Variants in ENOX2 observed in about 807,000 individuals in gnomAD.
The protein encoded by ENOX2 is ecto-NOX disulfide-thiol exchanger 2.
In ENOX2, 36 loss-of-function variants were observed where a neutral mutation model predicts 45.0. The ratio of observed to expected loss-of-function variants is 0.80; its 90% confidence interval spans 0.61 to 1.06. The LOEUF is 1.06. ENOX2 is among the 50% of genes least tolerant of loss of function. The probability of loss-of-function intolerance (pLI) is 0.00; values close to 1 mark genes in which losing one functional copy is unlikely to be tolerated. For missense variants in ENOX2, 423 were observed against 462.5 expected (o/e 0.91, Z 0.78); for synonymous variants, 174 against 152.3 (o/e 1.14, Z -1.05).
At chrX:130,736,236 C>T (rs1355943349) in intron 3 of ENOX2, among the ~76,000 whole-genome samples, 1 of 109,581 alleles carries the variant, frequency 9.1e-6, no homozygotes, top group Non-Finnish European at 1.9e-5. Flanking sequence ...TGGTGACGGG[C>T]GCCTGTAATC....
intron 2 of ENOX2, among the ~76,000 whole-genome samples, chrX:130,812,281 G>C (rs1436206636): frequency 8.9e-6 from 1 of 111,845 alleles, no homozygotes; most frequent in Non-Finnish European, 1.9e-5. Flanking sequence ...CTGTCAAAAA[G>C]CCAAGACAAA....
chrX:130,726,935 G>A (rs765750253), intron 3 of ENOX2, among the ~76,000 whole-genome samples: 43 of 112,437 alleles, frequency 3.8e-4, no homozygotes, highest in African/African-American at 1.3e-3. Context: ...GGCCTGGCTC[G>A]TGGTCTAGGT....
At position 130,638,431 on chromosome X, in the gene ENOX2, AACACACAC is replaced by A. The variant is rs34648095; in HGVS notation, c.1130-1029_1130-1022del. Among the ~76,000 whole-genome samples, 734 of 92,751 alleles carry A rather than the reference AACACACAC, an allele frequency of 7.9e-3. 1 individual carries two copies. Among genetic ancestry groups the A allele is most frequent in the African/African-American group, 0.026 (646 of 25,268 alleles). 80.5% of individuals were successfully genotyped at this position (92,751 alleles called of 115,157 possible). On this transcript the variant is annotated intron_variant, in intron 10 of 14. Coordinates refer to ENST00000394363, the MANE Select transcript of ENOX2 (RefSeq NM_006375.4). ...AAATAACTGTTAAACAACAATTTGA[AACACACAC>A]ACACACACACACACACACACACACA...
chrX:130,673,368 T>A (rs1295305937), intron 6 of ENOX2, among the ~76,000 whole-genome samples: 1 of 109,544 alleles, frequency 9.1e-6, no homozygotes, highest in Non-Finnish European at 1.9e-5. Flanking sequence ...CGACAAAGAA[T>A]TCAAAATATG....
At chrX:130,831,784 G>T (rs2077835378) in intron 2 of ENOX2, among the ~76,000 whole-genome samples, 1 of 111,391 alleles carries the variant, frequency 9.0e-6, no homozygotes, top group Non-Finnish European at 1.9e-5. Flanking sequence ...AAAGCTCAAT[G>T]AGGGCAGCGA....
intron 3 of ENOX2, among the ~76,000 whole-genome samples, chrX:130,765,154 T>G (rs935300397): frequency 9.0e-6 from 1 of 111,475 alleles, no homozygotes; most frequent in East Asian, 2.8e-4. Flanking sequence ...GGACCAGTCA[T>G]GACACTTGGT....
At chrX:130,752,497 GTCTC>G (rs1336618655) in intron 3 of ENOX2, among the ~76,000 whole-genome samples, 27 of 109,484 alleles carry the variant, frequency 2.5e-4, no homozygotes, top group African/African-American at 7.7e-4. Flanking sequence ...CTCCCTTTCT[GTCTC>G]TCTAAGTGTC....
intron 2 of ENOX2, among the ~76,000 whole-genome samples, chrX:130,882,563 C>G (rs2078835677): frequency 9.0e-6 from 1 of 111,126 alleles, no homozygotes; most frequent in Admixed American, 9.6e-5. Context: ...AGAGAAGCAA[C>G]AGATTATGAA....
intron 10 of ENOX2, among the ~76,000 whole-genome samples, chrX:130,638,431 A>AACACACACACAC (rs34648095): frequency 1.3e-4 from 12 of 92,780 alleles, no homozygotes; most frequent in African/African-American, 4.7e-4. Flanking sequence ...AACAATTTGA[A>AACACACACACAC]ACACACACAC....
chrX:130,880,465 C>T, intron 2 of ENOX2, among the ~76,000 whole-genome samples: 1 of 111,819 alleles, frequency 8.9e-6, no homozygotes, highest in East Asian at 2.8e-4. Context: ...ACATTTATAT[C>T]TCTTTATGTA....
At chrX:130,837,797 A>C (rs1402888663) in intron 2 of ENOX2, among the ~76,000 whole-genome samples, 2 of 111,883 alleles carry the variant, frequency 1.8e-5, no homozygotes, top group Admixed American at 1.9e-4. Flanking sequence ...AGTTAACACA[A>C]ATCAAGTACT....
chrX:130,855,593 T>G (rs967276987), intron 2 of ENOX2, among the ~76,000 whole-genome samples: 4 of 111,518 alleles, frequency 3.6e-5, no homozygotes, highest in African/African-American at 1.3e-4. Flanking sequence ...TATTCTAAAA[T>G]GTATATGCTA....
At chrX:130,626,540 A>G (rs1419832724) in intron 14 of ENOX2, among the ~76,000 whole-genome samples, 4 of 112,134 alleles carry the variant, frequency 3.6e-5, no homozygotes, top group Non-Finnish European at 7.5e-5. Context: ...ATTTTTGTAA[A>G]TTAAAAAATA....
chrX:130,834,800 T>C (rs148682201), intron 2 of ENOX2, among the ~76,000 whole-genome samples: 5,647 of 111,384 alleles, frequency 0.051, 374 homozygotes, highest in African/African-American at 0.17. Context: ...TAAAATGTTA[T>C]AAGAAATTTC....
intron 4 of ENOX2, among the ~76,000 whole-genome samples, chrX:130,692,820 C>T (rs1381302162): frequency 9.2e-6 from 1 of 108,523 alleles, no homozygotes; most frequent in East Asian, 2.9e-4. Context: ...AAACTTCTGA[C>T]CTCAAGTGAT....
intron 1 of ENOX2, among the ~76,000 whole-genome samples, 153 bp downstream of exon 1, chrX:130,902,896 C>G (rs1411028610): frequency 9.2e-6 from 1 of 108,505 alleles, no homozygotes; most frequent in Non-Finnish European, 1.9e-5. Flanking sequence ...AAGCCCACCC[C>G]CGACTCCCAG....
At chrX:130,775,667 T>A (rs2039839495) in intron 3 of ENOX2, among the ~76,000 whole-genome samples, 1 of 111,292 alleles carries the variant, frequency 9.0e-6, no homozygotes, top group African/African-American at 3.3e-5. Flanking sequence ...TATCAAGGAA[T>A]ACATTTGAAG....
At chrX:130,891,167 C>A (rs1449827240) in intron 2 of ENOX2, among the ~76,000 whole-genome samples, 2 of 110,711 alleles carry the variant, frequency 1.8e-5, no homozygotes, top group Non-Finnish European at 3.8e-5. Context: ...AGAGTGAGAT[C>A]CCACCTCTTA....
At chrX:130,879,934 C>T (rs2078776912) in intron 2 of ENOX2, among the ~76,000 whole-genome samples, 1 of 111,771 alleles carries the variant, frequency 8.9e-6, no homozygotes. Flanking sequence ...TCTCTTTACA[C>T]ATTTCTCAAA....
Sources: gnomAD v4.1 joint callset for allele counts (sites outside exome capture counted in the v4.1 genomes callset) on GRCh38, gnomAD v4.1.1 for gene constraint, MANE v1.5 for transcripts, NCBI Gene and HGNC (gene_info 2026-07-23, HGNC 2026-07-21) for gene names.